Variants in MRPL34 observed in about 807,000 individuals in gnomAD.
MRPL34 encodes the protein large ribosomal subunit protein bL34m.
Under a neutral mutation model 6.7 loss-of-function variants are expected in MRPL34, and 8 were observed. The observed-to-expected ratio is 1.20, with a 90% CI of 0.70 to 2.16. MRPL34 has a LOEUF of 2.16. Among genes scored for constraint, MRPL34 ranks in the 30% most tolerant of loss-of-function variants. The pLI, the probability that MRPL34 is intolerant of heterozygous loss-of-function variation, is 0.00. For synonymous variants in MRPL34, 59 were observed against 55.1 expected, an observed-to-expected ratio of 1.07 and a Z score of -0.31; for missense variants, 146 against 125.5, an observed-to-expected ratio of 1.16 and a Z score of -0.78.
chr19:17,298,324 C>T (rs2074102415), upstream of MRPL34: 1 of 152,114 alleles, frequency 6.6e-6, no homozygotes, highest in Admixed American at 6.6e-5. Flanking sequence ...GAGAATGAGG[C>T]CACTTGGTAG....
At chr19:17,294,448 G>A (rs778402701) in intron 1 of MRPL34, 1 of 1,614,176 alleles carries the variant, frequency 6.2e-7, no homozygotes, top group Non-Finnish European at 8.5e-7. Context: ...CACGTTGAAA[G>A]CGTTGCCCTC....
At chr19:17,301,132 C>A, upstream of MRPL34, 1 of 1,612,864 alleles carries the variant, frequency 6.2e-7, no homozygotes, top group Non-Finnish European at 8.5e-7. Context: ...GCGCTTCTCA[C>A]AGTCAATATG....
In MRPL34 at chr19:17,306,389, C is replaced by A. The variant is rs2074149009; in HGVS notation, c.*10C>A. The A allele has an allele frequency of 6.4e-7, 1 of 1,556,048 alleles. No individual in the cohort carries two copies. The highest frequency in any genetic ancestry group is 1.2e-5 in the South Asian group (1 of 83,738). On this transcript the variant is annotated 3_prime_UTR_variant, in exon 2 of 2. Coordinates refer to ENST00000252602, the MANE Select transcript of MRPL34 (RefSeq NM_023937.4). ...GTCGCTGAGCCATTGAGGATCGCGACGCAGTCGGCGGGACCCTCATGGAAG... is the reference window on the plus strand; with the variant it reads ...GTCGCTGAGCCATTGAGGATCGCGAAGCAGTCGGCGGGACCCTCATGGAAG...
chr19:17,293,839 G>T (rs2074081563), intron 1 of MRPL34, among the ~76,000 whole-genome samples: 1 of 151,980 alleles, frequency 6.6e-6, no homozygotes, highest in African/African-American at 2.4e-5. Flanking sequence ...GATTATTGGC[G>T]TGAACCACCT....
chr19:17,301,599 G>A (rs1156301493), upstream of MRPL34: 18 of 1,553,992 alleles, frequency 1.2e-5, no homozygotes, highest in South Asian at 3.6e-5. Context: ...AGATACCGTC[G>A]GTCACCCCGG....
chr19:17,301,597 T>G (rs1418088232), upstream of MRPL34: 1 of 1,564,624 alleles, frequency 6.4e-7, no homozygotes. Context: ...GAAGATACCG[T>G]CGGTCACCCC....
exon 1 of MRPL34, chr19:17,292,680 G>A: frequency 6.2e-7 from 1 of 1,611,564 alleles, no homozygotes; most frequent in Non-Finnish European, 8.5e-7. Flanking sequence ...GTCTTCTGGA[G>A]GCGCCGGCAG....
At chr19:17,301,007 C>T, upstream of MRPL34, 1 of 1,613,514 alleles carries the variant, frequency 6.2e-7, no homozygotes, top group Non-Finnish European at 8.5e-7. Flanking sequence ...GCCACCACCT[C>T]ATAGCCTAGG....
intron 1 of MRPL34, among the ~76,000 whole-genome samples, chr19:17,297,522 C>G (rs2074098321): frequency 6.6e-6 from 1 of 152,072 alleles, no homozygotes; most frequent in African/African-American, 2.4e-5. Flanking sequence ...TCTTGAACTC[C>G]TGACCTTGTG....
chr19:17,300,755 G>T, upstream of MRPL34: 2 of 1,414,242 alleles, frequency 1.4e-6, no homozygotes, highest in East Asian at 2.3e-5. Flanking sequence ...TGGGATTACA[G>T]GCGTGAGCCA....
upstream of MRPL34, among the ~76,000 whole-genome samples, chr19:17,303,665 G>T (rs977221065): frequency 3.9e-5 from 6 of 152,184 alleles, no homozygotes; most frequent in African/African-American, 1.4e-4. Flanking sequence ...GGACGCCTGG[G>T]AGTGTGCGGC....
chr19:17,294,721 A>C (rs1568346834), intron 1 of MRPL34: 21 of 1,614,064 alleles, frequency 1.3e-5, no homozygotes, highest in African/African-American at 1.3e-5. Context: ...TGCAGGACGC[A>C]GGTGGGCATG....
At chr19:17,294,661 G>A (rs746897140) in intron 1 of MRPL34, 1 of 1,612,828 alleles carries the variant, frequency 6.2e-7, no homozygotes, top group Non-Finnish European at 8.5e-7. Context: ...GGTCTTTGGG[G>A]TGGGGACACT....
upstream of MRPL34, chr19:17,300,834 C>T (rs761564968): frequency 3.8e-6 from 6 of 1,566,114 alleles, no homozygotes; most frequent in African/African-American, 5.4e-5. Context: ...CACCCCCACC[C>T]CACATGCCAG....
chr19:17,299,011 G>A (rs991518149), upstream of MRPL34, among the ~76,000 whole-genome samples: 1 of 152,142 alleles, frequency 6.6e-6, no homozygotes. Context: ...TAAAGTGCTA[G>A]GATTACAGGC....
upstream of MRPL34, among the ~76,000 whole-genome samples, chr19:17,299,009 T>C (rs191640298): frequency 4.8e-4 from 73 of 152,320 alleles, no homozygotes; most frequent in African/African-American, 1.7e-3. Flanking sequence ...CCTAAAGTGC[T>C]AGGATTACAG....
upstream of MRPL34, chr19:17,302,303 A>G (rs1377099809): frequency 6.6e-6 from 1 of 152,400 alleles, no homozygotes. Context: ...TGGAGTTTAT[A>G]CCATTTATGG....
At chr19:17,294,188 A>C (rs575619651) in intron 1 of MRPL34, 2 of 1,402,952 alleles carry the variant, frequency 1.4e-6, no homozygotes, top group Non-Finnish European at 1.9e-6. Flanking sequence ...GGAAGAAAGC[A>C]CGCCCACCAA....
upstream of MRPL34, among the ~76,000 whole-genome samples, chr19:17,298,806 T>C (rs1381049045): frequency 1.4e-5 from 2 of 144,138 alleles, no homozygotes; most frequent in Non-Finnish European, 3.0e-5. Flanking sequence ...AGTGGTGTGA[T>C]CTTGGCTCAC....
Sources: allele counts gnomAD v4.1 joint callset (sites outside exome capture counted in the v4.1 genomes callset), GRCh38; gene constraint gnomAD v4.1.1; transcripts MANE v1.5; gene names NCBI Gene and HGNC (gene_info 2026-07-23, HGNC 2026-07-21).